PTPRD: variants seen among roughly 807,000 people sequenced by gnomAD.
PTPRD encodes the protein protein tyrosine phosphatase receptor type D, also known as receptor-type tyrosine-protein phosphatase delta.
In PTPRD, 34 loss-of-function variants were observed where a neutral mutation model predicts 214.5. That is an observed-to-expected ratio of 0.16 (90% CI 0.12 to 0.21). The LOEUF is 0.21. PTPRD is among the 10% of genes least tolerant of loss of function. The probability of loss-of-function intolerance (pLI) is 1.00; values close to 1 mark genes in which losing one functional copy is unlikely to be tolerated. For missense variants in PTPRD, 2,545 were observed against 2,398.7 expected, an observed-to-expected ratio of 1.06 and a Z score of -1.27; for synonymous variants, 1,128 against 845.7, an observed-to-expected ratio of 1.33 and a Z score of -5.79.
At chr9:8,807,184 A>G (rs2096703457) in intron 11 of PTPRD, among the ~76,000 whole-genome samples, 1 of 152,046 alleles carries the variant, frequency 6.6e-6, no homozygotes, top group Non-Finnish European at 1.5e-5. Context: ...TAAAATACAA[A>G]AAATTAGCCA....
chr9:8,479,177 A>G (rs1011089065), intron 30 of PTPRD, among the ~76,000 whole-genome samples: 1 of 152,246 alleles, frequency 6.6e-6, no homozygotes, highest in Non-Finnish European at 1.5e-5. Context: ...ACCGTGTTAC[A>G]TTAACCAGTC....
intron 5 of PTPRD, among the ~76,000 whole-genome samples, chr9:9,795,095 T>C (rs937450392): frequency 6.6e-6 from 1 of 152,244 alleles, no homozygotes. Flanking sequence ...TGATCATATA[T>C]GGTTTAAAAC....
In PTPRD at chr9:9,564,884, G is replaced by GTTTTTTT. The variant is rs1191664969; in HGVS notation, c.-237+9841_-237+9847dup. Among the ~76,000 whole-genome samples, 230 of 48,858 alleles carry GTTTTTTT rather than the reference G, an allele frequency of 4.7e-3. 49 individuals are homozygous for GTTTTTTT. The highest frequency in any genetic ancestry group is 6.4e-3 in the East Asian group (9 of 1,410). 32.1% of individuals were successfully genotyped at this position (48,858 alleles called of 152,430 possible). A position where few individuals can be genotyped will look rare whatever the true frequency, so the allele number is the denominator to read the frequency against. ...AACAAAAGAGAGACTTGAATCTTCT[G>GTTTTTTT]TTTTTTTTTTTTTTTTTTTTTTTTT... On this transcript the variant is annotated intron_variant, in intron 8 of 45. Transcript: ENST00000381196.
At chr9:9,894,466 G>C (rs1247814278) in intron 5 of PTPRD, among the ~76,000 whole-genome samples, 2 of 151,868 alleles carry the variant, frequency 1.3e-5, no homozygotes, top group African/African-American at 2.4e-5. Flanking sequence ...TTTTTAACTT[G>C]TATTTAATGT....
chr9:9,160,780 G>A (rs909867575), intron 10 of PTPRD, among the ~76,000 whole-genome samples: 1 of 152,114 alleles, frequency 6.6e-6, no homozygotes, highest in South Asian at 2.1e-4. Context: ...GAATCAATCT[G>A]TGTCCATCAA....
chr9:9,578,109 T>A (rs922564156), intron 7 of PTPRD, among the ~76,000 whole-genome samples: 2 of 150,508 alleles, frequency 1.3e-5, no homozygotes, highest in African/African-American at 4.9e-5. Context: ...TACTACTTAT[T>A]TGAGGAACAA....
At chr9:9,052,484 G>C (rs1251961382) in intron 10 of PTPRD, among the ~76,000 whole-genome samples, 8 of 152,154 alleles carry the variant, frequency 5.3e-5, no homozygotes, top group Admixed American at 2.0e-4. Context: ...TTGAGGTAAA[G>C]TGTTGTTCAA....
chr9:9,883,503 A>G (rs763996076), intron 5 of PTPRD, among the ~76,000 whole-genome samples: 5 of 152,134 alleles, frequency 3.3e-5, no homozygotes, highest in Non-Finnish European at 7.4e-5. Context: ...ATGTGCAAAG[A>G]TGTTTCAGGT....
At chr9:8,324,828 G>C (rs977242193) in intron 44 of PTPRD, among the ~76,000 whole-genome samples, 4 of 147,458 alleles carry the variant, frequency 2.7e-5, no homozygotes, top group African/African-American at 7.4e-5. Context: ...TTGTGGTTTT[G>C]ATTTGCATTT....
chr9:8,687,460 T>C (rs1050743713), intron 12 of PTPRD, among the ~76,000 whole-genome samples: 1 of 152,240 alleles, frequency 6.6e-6, no homozygotes, highest in Non-Finnish European at 1.5e-5. Flanking sequence ...GTTCCAGGTA[T>C]GTGATGTGAA....
intron 33 of PTPRD, among the ~76,000 whole-genome samples, chr9:8,450,290 T>C (rs1281431711): frequency 6.6e-6 from 1 of 152,160 alleles, no homozygotes; most frequent in African/African-American, 2.4e-5. Context: ...CCTAAGTATA[T>C]ATAAGTGGTG....
chr9:10,179,141 T>A (rs2099267010), intron 3 of PTPRD, among the ~76,000 whole-genome samples: 1 of 151,990 alleles, frequency 6.6e-6, no homozygotes, highest in African/African-American at 2.4e-5. Flanking sequence ...AAATATAGAA[T>A]GAGTTAGACA....
chr9:8,905,855 T>G (rs2154255722), intron 11 of PTPRD, among the ~76,000 whole-genome samples: 1 of 152,296 alleles, frequency 6.6e-6, no homozygotes, highest in East Asian at 1.9e-4. Flanking sequence ...ACGAGTTTAT[T>G]CACAATGATC....
At chr9:8,977,565 T>G (rs1206368314) in intron 11 of PTPRD, among the ~76,000 whole-genome samples, 1 of 152,084 alleles carries the variant, frequency 6.6e-6, no homozygotes, top group Non-Finnish European at 1.5e-5. Flanking sequence ...GTCATCATCT[T>G]GAACCCTCGA....
At chr9:8,905,282 T>C (rs1186241610) in intron 11 of PTPRD, among the ~76,000 whole-genome samples, 2 of 152,080 alleles carry the variant, frequency 1.3e-5, no homozygotes, top group Non-Finnish European at 2.9e-5. Context: ...TTTTCATAGA[T>C]ATGTATAAAC....
At chr9:8,779,553 C>A (rs901805301) in intron 11 of PTPRD, among the ~76,000 whole-genome samples, 1 of 152,144 alleles carries the variant, frequency 6.6e-6, no homozygotes, top group Non-Finnish European at 1.5e-5. Flanking sequence ...ATTATTACAA[C>A]TAGGAATAAC....
intron 10 of PTPRD, among the ~76,000 whole-genome samples, chr9:9,059,352 C>T (rs2099703010): frequency 6.6e-6 from 1 of 152,134 alleles, no homozygotes; most frequent in Admixed American, 6.5e-5. Context: ...GAAAAATTCT[C>T]AGGGCTCATG....
intron 7 of PTPRD, among the ~76,000 whole-genome samples, chr9:9,732,506 A>G (rs2098215493): frequency 6.6e-6 from 1 of 152,188 alleles, no homozygotes; most frequent in Non-Finnish European, 1.5e-5. Context: ...ATTTAAATGA[A>G]AAATGATGGA....
At chr9:9,880,234 A>G (rs2068222760) in intron 5 of PTPRD, among the ~76,000 whole-genome samples, 1 of 152,130 alleles carries the variant, frequency 6.6e-6, no homozygotes, top group African/African-American at 2.4e-5. Context: ...CATGATTTTA[A>G]GTTTCCTGAG....
Sources: gnomAD v4.1 joint callset for allele counts (sites outside exome capture counted in the v4.1 genomes callset) on GRCh38, gnomAD v4.1.1 for gene constraint, MANE v1.5 for transcripts, NCBI Gene and HGNC (gene_info 2026-07-23, HGNC 2026-07-21) for gene names.